The following ZKSCAN7 variants were observed in gnomAD, a reference collection of about 807,000 sequenced individuals.
ZKSCAN7 encodes zinc finger protein with KRAB and SCAN domains 7.
In ZKSCAN7, 38 loss-of-function variants were observed where a neutral mutation model predicts 65.3. The ratio of observed to expected loss-of-function variants is 0.58; its 90% CI spans 0.45 to 0.76. The LOEUF (loss-of-function observed/expected upper bound fraction) is 0.76, where lower values mean the gene tolerates loss of function less well. ZKSCAN7 is among the 30% of genes least tolerant of loss of function. ZKSCAN7 has a pLI of 0.00. For synonymous variants in ZKSCAN7, 321 were observed against 321.0 expected, an observed-to-expected ratio of 1.00 and a Z score of 0.00; for missense variants, 815 against 913.3, an observed-to-expected ratio of 0.89 and a Z score of 1.39.
rs780858349 is a variant in ZKSCAN7 at position 44,570,941 on chromosome 3, G to A, written c.1831G>A (p.Glu611Lys). The change falls in exon 6 of 6, where the codon GAG (glutamate) becomes AAG (lysine). Residue 611 changes from glutamate (E) to lysine (K), a missense_variant. Around this residue, in one of 3 missense-constraint regions of ZKSCAN7, gnomAD observed 578 missense variants for 629.5 expected, o/e 0.92. Transcript: ENST00000426540. Reference protein sequence around the residue: ...HTGEKPFECSECGKAFGLSKC... With the variant: ...HTGEKPFECSKCGKAFGLSKC... The stretch of plus-strand genomic sequence containing the variant: ...TGGAGAAAAACCTTTTGAATGTAGC[G>A]AGTGTGGTAAGGCATTTGGTCTGAG... 1.1e-5 allele frequency: 17 copies of A among 1,614,066 alleles called. No homozygotes were observed. The Admixed American group carries it at 1.3e-4, about 13-fold the overall frequency.
chr3:44,556,636 C>T (rs950377095), intron 1 of ZKSCAN7, among the ~76,000 whole-genome samples: 1 of 152,214 alleles, frequency 6.6e-6, no homozygotes, highest in African/African-American at 2.4e-5. Flanking sequence ...GAGACCATTG[C>T]TGTCTTTCTA....
chr3:44,567,765 C>T, intron 3 of ZKSCAN7, 147 bp from the exon 4 acceptor site: 2 of 564,142 alleles, frequency 3.5e-6, no homozygotes, highest in East Asian at 3.0e-5. Context: ...ATTCACACCA[C>T]TCTTGGGATA....
chr3:44,581,160 C>T lies in ZKSCAN7; in HGVS notation c.812-1812C>T, dbSNP rs868702162. On this transcript the variant is annotated intron_variant, in intron 5 of 5. Transcript: ENST00000341840. The stretch of plus-strand genomic sequence containing the variant: ...CCTGACCGGCCTCCTTCCCTGCGGG[C>T]GGCTCGCTGCACGCGCCGAGGCTCC... 6.9e-5 allele frequency: 62 copies of T among 894,312 alleles called. No individual in the cohort carries two copies. In the African/African-American group the frequency reaches 9.4e-4, roughly 14 times the overall value. 55.4% of individuals were successfully genotyped at this position (894,312 alleles called of 1,614,324 possible).
Position 44,570,764 on chromosome 3 carries a change from G to A in ZKSCAN7, c.1654G>A (p.Glu552Lys), listed in dbSNP as rs1419075357. The A allele has an allele frequency of 1.2e-6, 2 of 1,614,160 alleles. No individual in the cohort carries two copies. Among genetic ancestry groups the A allele is most frequent in the Non-Finnish European group, 1.7e-6 (2 of 1,180,018 alleles). ...QRIHTGEKPYECSECGKAFSR... is the reference protein window; with the variant it reads ...QRIHTGEKPYKCSECGKAFSR... ...AATCCACACTGGGGAGAAGCCTTAT[G>A]AGTGTAGTGAATGTGGCAAAGCCTT... The change falls in exon 6 of 6, where the codon GAG becomes AAG. Residue 552 changes from glutamate to lysine, a missense_variant. Physicochemically the swap from Glu to Lys is moderately conservative, Grantham distance 56. Coordinates refer to ENST00000426540, the MANE Select transcript of ZKSCAN7 (RefSeq NM_001288590.2).
chr3:44,558,985 A>G (rs1699383290), intron 2 of ZKSCAN7, among the ~76,000 whole-genome samples: 1 of 151,730 alleles, frequency 6.6e-6, no homozygotes, highest in African/African-American at 2.4e-5. Context: ...TATGTTGCCC[A>G]GGCTTGTTCT....
At chr3:44,562,980 A>AC (rs1699527038) in intron 2 of ZKSCAN7, among the ~76,000 whole-genome samples, 4 of 146,260 alleles carry the variant, frequency 2.7e-5, no homozygotes, top group Non-Finnish European at 5.9e-5. Context: ...AAAAAACAAA[A>AC]AAAAAAAAAG....
chr3:44,562,107 A>T (rs969164754), intron 2 of ZKSCAN7, among the ~76,000 whole-genome samples: 1 of 152,252 alleles, frequency 6.6e-6, no homozygotes, highest in Non-Finnish European at 1.5e-5. Context: ...CTGCCTGGAC[A>T]TCCAGGTGTT....
chr3:44,570,123 T>C lies in ZKSCAN7; in HGVS notation c.1013T>C (p.Phe338Ser). 1.2e-6 allele frequency: 2 copies of C among 1,613,904 alleles called. No homozygotes were observed. The highest frequency in any genetic ancestry group is 2.2e-5 in the South Asian group (2 of 91,034). The change falls in exon 6 of 6, where the codon TTC (phenylalanine) becomes TCC (serine). Residue 338 changes from phenylalanine (F) to serine (S), a missense_variant. Physicochemically the swap from Phe to Ser is radical, Grantham distance 155 (BLOSUM62 -2). Transcript: ENST00000426540. ...GAAGGGAGCAGACTAGAAAATGATT[T>C]CTTGGAAATAACAGATGAAGATAAG... ...DEEGSRLEND[F>S]LEITDEDKKK...
At chr3:44,573,741 G>C (rs913472055), downstream of ZKSCAN7, among the ~76,000 whole-genome samples, 1 of 152,128 alleles carries the variant, frequency 6.6e-6, no homozygotes, top group African/African-American at 2.4e-5. Flanking sequence ...TCAATAGAAC[G>C]TTCCTGCTTA....
intron 5 of ZKSCAN7, among the ~76,000 whole-genome samples, chr3:44,577,207 A>G (rs1036684558): frequency 6.6e-6 from 1 of 151,866 alleles, no homozygotes; most frequent in African/African-American, 2.4e-5. Flanking sequence ...GCCTCAAGCA[A>G]CCCTCCTGCT....
chr3:44,577,142 A>T (rs926416365), downstream of ZKSCAN7, among the ~76,000 whole-genome samples: 1 of 152,004 alleles, frequency 6.6e-6, no homozygotes, highest in African/African-American at 2.4e-5. Context: ...TTTTAAAAAA[A>T]TTTTTATAGA....
In ZKSCAN7 at chr3:44,557,282, T is replaced by C; in HGVS notation, c.235T>C (p.Cys79Arg). 1 of 1,614,298 alleles carries C rather than the reference T, an allele frequency of 6.2e-7. No individual in the cohort carries two copies. The highest frequency in any genetic ancestry group is 8.5e-7 in the Non-Finnish European group (1 of 1,180,056). The change falls in exon 2 of 6, where the codon TGC (cysteine) becomes CGC (arginine). Residue 79 changes from cysteine to arginine, a missense_variant. Coordinates refer to ENST00000426540, the MANE Select transcript of ZKSCAN7 (RefSeq NM_001288590.2). Reference sequence around the variant, plus strand: ...AGCATTGAGCCGGCTTCGGGAGCTCTGCCGCTGGTGGCTCATGCCAGAGGT... The same window carrying C: ...AGCATTGAGCCGGCTTCGGGAGCTCCGCCGCTGGTGGCTCATGCCAGAGGT... ...QEALSRLREL[C>R]RWWLMPEVHT... is the part of the protein sequence containing the mutation.
intron 2 of ZKSCAN7, among the ~76,000 whole-genome samples, chr3:44,562,087 C>T (rs1372765354): frequency 3.3e-5 from 5 of 152,258 alleles, no homozygotes; most frequent in Non-Finnish European, 7.3e-5. Flanking sequence ...TTTGCCCCTG[C>T]AGCAGACTTC....
Position 44,569,900 on chromosome 3 carries a change from G to T in ZKSCAN7, c.812-22G>T, listed in dbSNP as rs535863611. 76 of 1,511,174 alleles carry T rather than the reference G, an allele frequency of 5.0e-5. No homozygotes were observed. In the East Asian group the frequency reaches 1.3e-3, roughly 27 times the overall value. 93.6% of individuals were successfully genotyped at this position (1,511,174 alleles called of 1,614,324 possible). Reference sequence around the variant, plus strand: ...ACAGGATAAGAAATGGGTAAAAGTTGTTGTCTTCTTTCTTTGGGCAGCAGG... The same window carrying T: ...ACAGGATAAGAAATGGGTAAAAGTTTTTGTCTTCTTTCTTTGGGCAGCAGG... On this transcript the variant is annotated intron_variant, in intron 5 of 5. Coordinates refer to ENST00000426540, the MANE Select transcript of ZKSCAN7 (RefSeq NM_001288590.2).
Position 44,570,579 on chromosome 3 carries a change from C to A in ZKSCAN7, c.1469C>A (p.Thr490Asn), listed in dbSNP as rs752660646. The A allele has an allele frequency of 9.3e-6, 15 of 1,612,580 alleles. No homozygotes were observed. The highest frequency in any genetic ancestry group is 1.2e-5 in the Non-Finnish European group (14 of 1,178,782). Residue 490 changes from threonine to asparagine, a missense_variant, in exon 6 of 6, where the codon ACT becomes AAT. Around this residue, in one of 3 missense-constraint regions of ZKSCAN7, gnomAD observed 578 missense variants for 629.5 expected, o/e 0.92. Coordinates refer to ENST00000426540, the MANE Select transcript of ZKSCAN7 (RefSeq NM_001288590.2). Reference sequence around the variant, plus strand: ...CTCACTGACCACCAGAGAACCCATACTGGGGAGAAACCTTATGAATGCAAT... The same window carrying A: ...CTCACTGACCACCAGAGAACCCATAATGGGGAGAAACCTTATGAATGCAAT... ...SRLTDHQRTH[T>N]GEKPYECNEC...
chr3:44,579,658 G>A (rs1049908762), intron 5 of ZKSCAN7, among the ~76,000 whole-genome samples: 8 of 152,124 alleles, frequency 5.3e-5, no homozygotes, highest in African/African-American at 1.9e-4. Context: ...GGGTAAACTC[G>A]CCCTCCTTTG....
intron 5 of ZKSCAN7, chr3:44,580,521 T>A (rs1700047687): frequency 1.9e-6 from 3 of 1,612,564 alleles, no homozygotes; most frequent in Non-Finnish European, 1.7e-6. Context: ...AGGCCCAGGC[T>A]CCTGCGGTGT....
At position 44,570,648 on chromosome 3, in the gene ZKSCAN7, A is replaced by C. The variant is rs190540627; in HGVS notation, c.1538A>C (p.His513Pro). Residue 513 changes from histidine (H) to proline (P), a missense_variant, in exon 6 of 6, where the codon CAT (histidine) becomes CCT (proline). By Grantham distance (77) the His-to-Pro change is moderately conservative (BLOSUM62 -2). Coordinates refer to ENST00000426540, the MANE Select transcript of ZKSCAN7 (RefSeq NM_001288590.2). ...AFIRSKSLAR[H>P]QVLHTGKKPY... is the part of the protein sequence containing the mutation. ...ATTCGAAGCAAAAGTCTTGCTCGAC[A>C]TCAGGTCCTGCACACTGGTAAGAAA... The C allele has an allele frequency of 2.0e-5, 32 of 1,614,066 alleles. No homozygotes were observed. The highest frequency in any genetic ancestry group is 2.6e-5 in the Non-Finnish European group (31 of 1,180,018).
In ZKSCAN7 at chr3:44,557,157, G is replaced by C; in HGVS notation, c.110G>C (p.Gly37Ala). 6.2e-7 allele frequency: 1 copy of C among 1,614,268 alleles called. No homozygotes were observed. Among genetic ancestry groups the C allele is most frequent in the Non-Finnish European group, 8.5e-7 (1 of 1,180,046 alleles). The change falls in exon 2 of 6, where the codon GGG (glycine) becomes GCG (alanine). Residue 37 changes from glycine (G) to alanine (A), a missense_variant. Transcript: ENST00000426540. ...CAGGAGCCAGCAAACCAGACCTGGG[G>C]GCAGGGCAGCAGTCTCCAGAAGAAC... ...VKQEPANQTW[G>A]QGSSLQKNYP...
Sources: gnomAD v4.1 joint callset for allele counts (sites outside exome capture counted in the v4.1 genomes callset) on GRCh38, gnomAD v4.1.1 for gene constraint, gnomAD v4.1.1 regional missense constraint, MANE v1.5 for transcripts, NCBI Gene and HGNC (gene_info 2026-07-23, HGNC 2026-07-21) for gene names.